The following KCNN2 variants were observed in gnomAD, a reference collection of about 807,000 sequenced individuals.
The protein encoded by KCNN2 is small conductance calcium-activated potassium channel protein 2.
KCNN2 carries 24 observed loss-of-function variants against 55.5 expected under a neutral mutation model. The observed-to-expected ratio is 0.43, with a 90% CI of 0.31 to 0.61. The LOEUF is 0.61. Ranked by LOEUF, KCNN2 falls within the 20% of genes least tolerant of loss-of-function variation. The pLI, the probability that KCNN2 is intolerant of heterozygous loss-of-function variation, is 0.08. For synonymous variants in KCNN2, 431 were observed against 336.1 expected (o/e 1.28, Z -3.09); for missense variants, 754 against 853.6 (o/e 0.88, Z 1.45).
At chr5:114,224,021 C>G (rs1486872727) in intron 2 of KCNN2, among the ~76,000 whole-genome samples, 2 of 152,254 alleles carry the variant, frequency 1.3e-5, no homozygotes, top group East Asian at 3.9e-4. Flanking sequence ...ATGCTGAGAA[C>G]AGGAAACAAA....
At chr5:114,398,152 A>G (rs1758676477) in intron 2 of KCNN2, among the ~76,000 whole-genome samples, 1 of 152,036 alleles carries the variant, frequency 6.6e-6, no homozygotes, top group Non-Finnish European at 1.5e-5. Context: ...CAGGGTTTTT[A>G]TTGTTTGGGG....
In KCNN2 at chr5:114,425,889, G is replaced by A. The variant is rs769306967; in HGVS notation, c.1637+21033G>A. ...GCAGCCAAAGATCCTTTTAAAAAAC[G>A]TGAAAAAAGGCTGGGTGCAGTGGCT... On this transcript the variant is annotated intron_variant, in intron 3 of 7. Coordinates refer to ENST00000673685, the MANE Select transcript of KCNN2 (RefSeq NM_021614.4). Among the ~76,000 whole-genome samples, 9 of 152,034 alleles carry A rather than the reference G, an allele frequency of 5.9e-5. No individual in the cohort carries two copies. The East Asian group carries it at 7.7e-4, about 13-fold the overall frequency.
At chr5:114,200,495 A>G (rs1753652452) in intron 1 of KCNN2, among the ~76,000 whole-genome samples, 1 of 151,694 alleles carries the variant, frequency 6.6e-6, no homozygotes. Context: ...CACTATTATG[A>G]GTTTTTTACC....
chr5:114,388,513 C>G (rs761029762), intron 2 of KCNN2, among the ~76,000 whole-genome samples: 12 of 152,222 alleles, frequency 7.9e-5, no homozygotes, highest in Non-Finnish European at 1.6e-4. Flanking sequence ...GCTTTTTTGA[C>G]TTTCTCCAAA....
chr5:114,448,669 T>A (rs1391176106), intron 3 of KCNN2, among the ~76,000 whole-genome samples: 2 of 152,182 alleles, frequency 1.3e-5, no homozygotes, highest in Non-Finnish European at 2.9e-5. Flanking sequence ...TGACTCTGCT[T>A]CTTATCTCTC....
intron 2 of KCNN2, among the ~76,000 whole-genome samples, chr5:114,327,708 TC>T (rs1756739137): frequency 6.6e-6 from 1 of 152,210 alleles, no homozygotes; most frequent in African/African-American, 2.4e-5. Context: ...GTCTGTGCTT[TC>T]TCCTTCTGTG....
intron 2 of KCNN2, among the ~76,000 whole-genome samples, chr5:114,319,905 T>C (rs1445914930): frequency 6.6e-6 from 1 of 152,198 alleles, no homozygotes; most frequent in East Asian, 1.9e-4. Flanking sequence ...ATTTTCTTCC[T>C]GGTTGTTAGT....
At position 114,496,206 on chromosome 5, in the gene KCNN2, T is replaced by A. The variant is rs775776132; in HGVS notation, c.*24T>A. The A allele has an allele frequency of 1.1e-5, 17 of 1,608,222 alleles. No individual in the cohort carries two copies. The highest frequency in any genetic ancestry group is 1.4e-5 in the Non-Finnish European group (17 of 1,176,530). ...AGAAGAGAATAAGTTAACCACAAAA[T>A]AAGACTTTTTGCCATCATATGGTCA... On this transcript the variant is annotated 3_prime_UTR_variant, in exon 8 of 8. Transcript: ENST00000673685.
chr5:114,163,105 C>A (rs1317467326), intron 1 of KCNN2, among the ~76,000 whole-genome samples: 1 of 152,164 alleles, frequency 6.6e-6, no homozygotes, highest in Non-Finnish European at 1.5e-5. Flanking sequence ...AGGCTGGGAG[C>A]TGTAGACTGG....
At chr5:114,408,562 A>G (rs1000936741) in intron 3 of KCNN2, among the ~76,000 whole-genome samples, 1 of 152,130 alleles carries the variant, frequency 6.6e-6, no homozygotes, top group Non-Finnish European at 1.5e-5. Context: ...GTACCTTATG[A>G]TGGTTGAAGA....
intron 2 of KCNN2, among the ~76,000 whole-genome samples, chr5:114,295,266 G>A (rs1024712819): frequency 2.6e-5 from 4 of 152,310 alleles, no homozygotes; most frequent in Non-Finnish European, 5.9e-5. Flanking sequence ...AGAGGTTACT[G>A]CTGTCTTTTT....
chr5:114,220,174 A>G (rs1192781793), intron 1 of KCNN2, among the ~76,000 whole-genome samples: 1 of 152,182 alleles, frequency 6.6e-6, no homozygotes, highest in Non-Finnish European at 1.5e-5. Flanking sequence ...CAAACCTATA[A>G]CATATCTTAG....
intron 2 of KCNN2, among the ~76,000 whole-genome samples, chr5:114,317,911 A>G (rs1458523473): frequency 3.9e-5 from 6 of 152,212 alleles, no homozygotes; most frequent in Non-Finnish European, 5.9e-5. Context: ...TGACTATGAA[A>G]TGAGTTGTAA....
intron 1 of KCNN2, among the ~76,000 whole-genome samples, chr5:114,191,042 T>G (rs1580604694): frequency 6.6e-6 from 1 of 152,182 alleles, no homozygotes; most frequent in East Asian, 1.9e-4. Flanking sequence ...AATGCTCAAA[T>G]ACATCCATGG....
intron 3 of KCNN2, among the ~76,000 whole-genome samples, chr5:114,457,296 A>C (rs1430894359): frequency 6.6e-6 from 1 of 152,222 alleles, no homozygotes; most frequent in East Asian, 1.9e-4. Context: ...AAATCCATAG[A>C]ATTTTTGAGC....
intron 2 of KCNN2, among the ~76,000 whole-genome samples, chr5:114,324,438 A>G (rs1756677045): frequency 6.6e-6 from 1 of 152,218 alleles, no homozygotes; most frequent in South Asian, 2.1e-4. Flanking sequence ...GTGACTATGG[A>G]AGAAGGGAAA....
At chr5:114,140,376 C>T (rs1752252515) in intron 1 of KCNN2, among the ~76,000 whole-genome samples, 1 of 152,200 alleles carries the variant, frequency 6.6e-6, no homozygotes, top group African/African-American at 2.4e-5. Flanking sequence ...CCTTCTACAC[C>T]CTGTCCCCAC....
At chr5:114,481,540 A>G (rs946835618) in intron 5 of KCNN2, among the ~76,000 whole-genome samples, 1 of 152,186 alleles carries the variant, frequency 6.6e-6, no homozygotes, top group Non-Finnish European at 1.5e-5. Flanking sequence ...TAGAAAAAAA[A>G]CTATTTTAAA....
At chr5:114,261,830 AG>A (rs1755115294) in intron 2 of KCNN2, among the ~76,000 whole-genome samples, 1 of 152,178 alleles carries the variant, frequency 6.6e-6, no homozygotes, top group South Asian at 2.1e-4. Context: ...GTCAGCTTTC[AG>A]TGAGGACCCA....
Sources: allele counts gnomAD v4.1 joint callset (sites outside exome capture counted in the v4.1 genomes callset), GRCh38; gene constraint gnomAD v4.1.1; transcripts MANE v1.5; gene names NCBI Gene and HGNC (gene_info 2026-07-23, HGNC 2026-07-21).